Variants in TENM4 observed in about 807,000 individuals in gnomAD.
The protein encoded by TENM4 is teneurin transmembrane protein 4.
TENM4 carries 82 observed loss-of-function variants against 243.3 expected under a neutral mutation model. That is an observed-to-expected ratio of 0.34 (90% CI 0.28 to 0.40). The LOEUF (loss-of-function observed/expected upper bound fraction) is 0.40. TENM4 is among the 10% of genes least tolerant of loss of function. The pLI is 1.00. For missense variants in TENM4, 3,138 were observed against 3,673.3 expected (o/e 0.85, Z 3.77); for synonymous variants, 1,412 against 1,456.3 (o/e 0.97, Z 0.69).
chr11:78,989,896 GAAAA>G (rs200863672), intron 6 of TENM4, among the ~76,000 whole-genome samples: 1 of 149,982 alleles, frequency 6.7e-6, no homozygotes, highest in Admixed American at 6.7e-5. Flanking sequence ...TCTACTAAAA[GAAAA>G]AAAAATACAA....
At chr11:78,880,606 G>A (rs1334520948) in intron 9 of TENM4, among the ~76,000 whole-genome samples, 1 of 152,060 alleles carries the variant, frequency 6.6e-6, no homozygotes, top group East Asian at 1.9e-4. Context: ...GTAAATGTGG[G>A]TCCTTTCTTT....
intron 9 of TENM4, among the ~76,000 whole-genome samples, chr11:78,889,171 A>G (rs1855608740): frequency 1.3e-5 from 2 of 152,184 alleles, no homozygotes; most frequent in Admixed American, 6.5e-5. Context: ...GTGCGCCCTC[A>G]GCCAGCGTTC....
At chr11:78,785,374 T>C (rs1379658169) in intron 16 of TENM4, among the ~76,000 whole-genome samples, 1 of 152,134 alleles carries the variant, frequency 6.6e-6, no homozygotes, top group African/African-American at 2.4e-5. Flanking sequence ...TGAGGGACTC[T>C]GAGTGCAGCT....
At chr11:79,245,823 C>T (rs946900285) in intron 2 of TENM4, among the ~76,000 whole-genome samples, 2 of 151,044 alleles carry the variant, frequency 1.3e-5, no homozygotes, top group Admixed American at 1.3e-4. Context: ...ACCTGTAATC[C>T]CAGCTACTCG....
At chr11:78,861,816 A>G (rs1858826584) in intron 10 of TENM4, among the ~76,000 whole-genome samples, 1 of 152,234 alleles carries the variant, frequency 6.6e-6, no homozygotes, top group East Asian at 1.9e-4. Flanking sequence ...AAGCAGTGAA[A>G]GTTAGAGGCA....
At chr11:78,768,023 T>G (rs78357118) in intron 18 of TENM4, among the ~76,000 whole-genome samples, 1 of 152,238 alleles carries the variant, frequency 6.6e-6, no homozygotes, top group Non-Finnish European at 1.5e-5. Context: ...TTTACTCTTG[T>G]GCTCCTTTCT....
chr11:79,391,916 C>T (rs1199223024), intron 1 of TENM4, among the ~76,000 whole-genome samples: 1 of 151,936 alleles, frequency 6.6e-6, no homozygotes, highest in African/African-American at 2.4e-5. Context: ...CCAAAAGATA[C>T]AGAAAATTGG....
chr11:78,684,585 A>C (rs1858617688), intron 29 of TENM4, among the ~76,000 whole-genome samples: 1 of 152,120 alleles, frequency 6.6e-6, no homozygotes, highest in African/African-American at 2.4e-5. Context: ...TCTAGTGCTG[A>C]CCATGGTCCT....
chr11:79,220,816 C>A (rs1479249156), intron 2 of TENM4, among the ~76,000 whole-genome samples: 1 of 152,114 alleles, frequency 6.6e-6, no homozygotes, highest in African/African-American at 2.4e-5. Context: ...CCTCAGCTAC[C>A]TTATTTTGAG....
intron 9 of TENM4, among the ~76,000 whole-genome samples, chr11:78,872,652 G>A (rs138874436): frequency 5.3e-5 from 8 of 152,282 alleles, no homozygotes; most frequent in South Asian, 4.1e-4. Flanking sequence ...CTGTGTTAAC[G>A]ATCAAATGAG....
chr11:78,903,222 C>T (rs913872258), intron 7 of TENM4, 46 bp downstream of exon 7: 101 of 1,466,722 alleles, frequency 6.9e-5, no homozygotes, highest in Non-Finnish European at 8.6e-5. Flanking sequence ...GTCCGGGCCC[C>T]GGGTGCCCAC....
At chr11:78,721,581 G>A (rs937050034) in intron 24 of TENM4, among the ~76,000 whole-genome samples, 1 of 152,196 alleles carries the variant, frequency 6.6e-6, no homozygotes, top group South Asian at 2.1e-4. Context: ...CCTCAGGCAG[G>A]TTCTTTAAAT....
intron 9 of TENM4, 49 bp downstream of exon 9, chr11:78,889,736 C>T: frequency 6.5e-7 from 1 of 1,536,408 alleles, no homozygotes; most frequent in Middle Eastern, 1.7e-4. Context: ...TGGTTGCTGC[C>T]CTCTGGGCCA....
intron 2 of TENM4, among the ~76,000 whole-genome samples, chr11:79,243,830 C>T (rs961782156): frequency 6.6e-6 from 1 of 152,234 alleles, no homozygotes; most frequent in South Asian, 2.1e-4. Context: ...AACTGAGAGG[C>T]AGAGCAAGGA....
At position 79,436,594 on chromosome 11, in the gene TENM4, C is replaced by T. The variant is rs370310351; in HGVS notation, c.-321+3915G>A. On this transcript the variant is annotated intron_variant, in intron 1 of 33. Transcript: ENST00000278550. Reference sequence around the variant, plus strand: ...CCGTGGGAACCCATTACTCTAACACCTAGCCTTCTACCTCATATTCCAGGT... The same window carrying T: ...CCGTGGGAACCCATTACTCTAACACTTAGCCTTCTACCTCATATTCCAGGT... 4.6e-5 allele frequency among the ~76,000 whole-genome samples: 7 copies of T among 152,192 alleles called. 1 individual carries two copies. In the East Asian group the frequency reaches 9.6e-4, roughly 21 times the overall value.
intron 1 of TENM4, among the ~76,000 whole-genome samples, chr11:79,395,569 C>T (rs1016119183): frequency 2.0e-5 from 3 of 152,168 alleles, no homozygotes; most frequent in Non-Finnish European, 4.4e-5. Context: ...GACAAATTCG[C>T]CCAAGTTCCA....
At chr11:78,870,203 G>A (rs1357842297) in intron 9 of TENM4, among the ~76,000 whole-genome samples, 2 of 152,218 alleles carry the variant, frequency 1.3e-5, no homozygotes, top group African/African-American at 4.8e-5. Context: ...GTACATACCA[G>A]GAGCTCAGTA....
chr11:79,322,014 C>A (rs1230216238), intron 1 of TENM4, among the ~76,000 whole-genome samples: 1 of 152,092 alleles, frequency 6.6e-6, no homozygotes, highest in African/African-American at 2.4e-5. Flanking sequence ...TTCATGTGGA[C>A]CTTCTGGGAC....
Position 78,984,504 on chromosome 11 carries a change from T to C in TENM4, c.493+80234A>G, listed in dbSNP as rs374401348. Among the ~76,000 whole-genome samples the C allele has an allele frequency of 1.7e-4, 26 of 152,328 alleles. No homozygotes were observed. The South Asian group carries it at 4.6e-3, about 27-fold the overall frequency. On this transcript the variant is annotated intron_variant, in intron 6 of 33. Coordinates refer to ENST00000278550, the MANE Select transcript of TENM4 (RefSeq NM_001098816.3). ...GTAACTCTCCAACCTCTTACTGTTA[T>C]CCGCCCTGTTACTCTGCCCAAATCC...
Sources: allele counts gnomAD v4.1 joint callset (sites outside exome capture counted in the v4.1 genomes callset), GRCh38; gene constraint gnomAD v4.1.1; transcripts MANE v1.5; gene names NCBI Gene and HGNC (gene_info 2026-07-23, HGNC 2026-07-21).